The following GNG7 variants were observed in gnomAD, a reference collection of about 807,000 sequenced individuals.
The protein encoded by GNG7 is guanine nucleotide-binding protein G(I)/G(S)/G(O) subunit gamma-7.
GNG7 carries 1 observed loss-of-function variant against 4.0 expected under a neutral mutation model. That is an observed-to-expected ratio of 0.25 (90% CI 0.09 to 1.18). The LOEUF is 1.18. Ranked by LOEUF, GNG7 falls within the 50% of genes most tolerant of loss-of-function variation. The probability of loss-of-function intolerance (pLI) is 0.50; values close to 1 mark genes in which losing one functional copy is unlikely to be tolerated. For synonymous variants in GNG7, 34 were observed against 36.9 expected (o/e 0.92, Z 0.29); for missense variants, 86 against 91.9 (o/e 0.94, Z 0.26).
chr19:2,601,660 C>G (rs189734687), intron 2 of GNG7, among the ~76,000 whole-genome samples: 1 of 152,164 alleles, frequency 6.6e-6, no homozygotes, highest in Non-Finnish European at 1.5e-5. Context: ...CGTCTGTAAT[C>G]CCAAGCACGT....
At chr19:2,553,814 A>ACATACATGTACATATTATATGTAATATTG (rs1568241292) in intron 3 of GNG7, among the ~76,000 whole-genome samples, 4 of 110,576 alleles carry the variant, frequency 3.6e-5, no homozygotes, top group African/African-American at 1.3e-4. Flanking sequence ...GTAATATATC[A>ACATACATGTACATATTATATGTAATATTG]CATACATGTA....
In GNG7 at chr19:2,557,101, TCA is replaced by T. The variant is rs535942133; in HGVS notation, c.-77-1915_-77-1914del. Among the ~76,000 whole-genome samples the T allele has an allele frequency of 2.1e-3, 292 of 136,608 alleles. 3 individuals carry two copies. The highest frequency in any genetic ancestry group is 8.0e-3 in the African/African-American group (282 of 35,444). The allele number at this position is 136,608 out of a possible 152,430, so 89.6% of individuals were successfully genotyped here. On this transcript the variant is annotated intron_variant, in intron 2 of 4. Transcript: ENST00000382159. This position sits in a 1 kb window ranked among gnomAD's most constrained non-coding sequence, Gnocchi z 5.1. ...CGCACACACGTGCACACAGGAATAC[TCA>T]GACACACGCACACACGTACACACGT... is the stretch of plus-strand genomic sequence containing the variant.
At chr19:2,628,982 G>C (rs1462520783) in intron 2 of GNG7, among the ~76,000 whole-genome samples, 1 of 152,220 alleles carries the variant, frequency 6.6e-6, no homozygotes, top group Non-Finnish European at 1.5e-5. Flanking sequence ...GCACCAGGCG[G>C]TGGGGGTCTT....
chr19:2,589,875 G>T (rs1194641176), intron 2 of GNG7, among the ~76,000 whole-genome samples: 3 of 152,134 alleles, frequency 2.0e-5, no homozygotes, highest in Admixed American at 6.6e-5. Flanking sequence ...ACAGTGACAT[G>T]ATCTCAGCTC....
intron 2 of GNG7, among the ~76,000 whole-genome samples, chr19:2,619,261 G>C (rs1981803503): frequency 1.3e-5 from 2 of 152,242 alleles, no homozygotes; most frequent in South Asian, 4.1e-4. Flanking sequence ...ACCACATCTA[G>C]CTGACTGTGT....
At position 2,546,823 on chromosome 19, in the gene GNG7, G is replaced by A. The variant is rs1979144097; in HGVS notation, c.-38+8326C>T. ...GTCGGCGGGGGCGGGGGATGACCAC[G>A]GTCATGTGAGAGTTTGCAAGCCCGG... On this transcript the variant is annotated intron_variant, in intron 3 of 4. Transcript: ENST00000382159. The surrounding 1 kb of genome is among the most constrained non-coding windows in gnomAD (Gnocchi z 6.3). 6.6e-6 allele frequency among the ~76,000 whole-genome samples: 1 copy of A among 152,162 alleles called. No individual in the cohort carries two copies. The highest frequency in any genetic ancestry group is 2.1e-4 in the South Asian group (1 of 4,834).
intron 3 of GNG7, among the ~76,000 whole-genome samples, chr19:2,540,839 G>A (rs1306148810): frequency 1.3e-5 from 2 of 152,224 alleles, no homozygotes; most frequent in Admixed American, 6.5e-5. Flanking sequence ...CCGTGACAGC[G>A]AGACCCAGAG....
intron 4 of GNG7, among the ~76,000 whole-genome samples, chr19:2,517,608 G>A (rs71339112): frequency 0.17 from 25,963 of 151,922 alleles, 2,368 homozygotes; most frequent in African/African-American, 0.22. Context: ...CAGGTGGCCC[G>A]CCCACCTCAG....
intron 1 of GNG7, among the ~76,000 whole-genome samples, chr19:2,664,871 C>T (rs1277696740): frequency 3.9e-5 from 6 of 152,150 alleles, no homozygotes; most frequent in East Asian, 1.9e-4. Flanking sequence ...CTCCACGCCA[C>T]GACCATCCTC....
chr19:2,607,726 C>T (rs940609402), intron 2 of GNG7, among the ~76,000 whole-genome samples: 4 of 152,244 alleles, frequency 2.6e-5, no homozygotes, highest in Non-Finnish European at 4.4e-5. Context: ...GCACTTGAAC[C>T]CCGTGCCCTC....
intron 2 of GNG7, among the ~76,000 whole-genome samples, chr19:2,597,119 T>C (rs1981045892): frequency 6.6e-6 from 1 of 151,940 alleles, no homozygotes; most frequent in Non-Finnish European, 1.5e-5. Context: ...TTAAAAATTA[T>C]CCAGGCATGG....
At chr19:2,571,536 G>A (rs183739442) in intron 2 of GNG7, among the ~76,000 whole-genome samples, 83 of 147,702 alleles carry the variant, frequency 5.6e-4, no homozygotes, top group African/African-American at 1.5e-3. Flanking sequence ...TGCAGGCTAC[G>A]TTAAGTGAAA....
At chr19:2,683,769 A>T (rs1049085825) in intron 1 of GNG7, 1 of 152,558 alleles carries the variant, frequency 6.6e-6, no homozygotes, top group Admixed American at 6.5e-5. Flanking sequence ...CTGAGCTGTG[A>T]AAAACCTGCC....
intron 1 of GNG7, among the ~76,000 whole-genome samples, chr19:2,649,881 GGCCCCCAC>G (rs1168059114): frequency 1.5e-5 from 2 of 129,248 alleles, no homozygotes; most frequent in African/African-American, 5.7e-5. Flanking sequence ...CCCCAGCCCC[GGCCCCCAC>G]GCACACCCTC....
intron 4 of GNG7, among the ~76,000 whole-genome samples, chr19:2,516,723 C>G (rs755806241): frequency 2.6e-5 from 4 of 152,312 alleles, no homozygotes; most frequent in Middle Eastern, 3.4e-3. Flanking sequence ...CGGTGACACC[C>G]GGCCAGGGGG....
intron 1 of GNG7, among the ~76,000 whole-genome samples, chr19:2,659,412 A>G (rs1232485692): frequency 6.6e-6 from 1 of 150,648 alleles, no homozygotes; most frequent in African/African-American, 2.4e-5. Context: ...CAACATGGCA[A>G]AACTCCATCT....
In GNG7 at chr19:2,557,045, A is replaced by G. The variant is rs866557316; in HGVS notation, c.-77-1857T>C. 2.7e-5 allele frequency among the ~76,000 whole-genome samples: 4 copies of G among 149,978 alleles called. No individual in the cohort carries two copies. Among genetic ancestry groups the G allele is most frequent in the Non-Finnish European group, 5.9e-5 (4 of 67,262 alleles). ...CACACGCACACACAGACACACGCAC[A>G]CTCACACACATATGCACGCACACAG... On this transcript the variant is annotated intron_variant, in intron 2 of 4. Transcript: ENST00000382159. The surrounding 1 kb of genome is among the most constrained non-coding windows in gnomAD (Gnocchi z 5.1).
Position 2,511,991 on chromosome 19 carries a change from G to T in GNG7, c.*3031C>A. 1.0e-6 allele frequency: 1 copy of T among 985,920 alleles called. No individual in the cohort carries two copies. Among genetic ancestry groups the T allele is most frequent in the Middle Eastern group, 5.2e-4 (1 of 1,914 alleles). 61.1% of individuals were successfully genotyped at this position (985,920 alleles called of 1,614,324 possible). On this transcript the variant is annotated 3_prime_UTR_variant, in exon 5 of 5. Coordinates refer to ENST00000382159, the MANE Select transcript of GNG7 (RefSeq NM_052847.3). The surrounding 1 kb of genome is among the most constrained non-coding windows in gnomAD (Gnocchi z 6.3). ...GCTGTGGCCCTTCACCTGGCTACTGGTGTCTCGCTCAGCAGCGGGGAAGGC... is the reference window on the plus strand; with the variant it reads ...GCTGTGGCCCTTCACCTGGCTACTGTTGTCTCGCTCAGCAGCGGGGAAGGC...
intron 1 of GNG7, among the ~76,000 whole-genome samples, chr19:2,655,441 G>C (rs974515786): frequency 6.6e-6 from 1 of 152,010 alleles, no homozygotes; most frequent in Non-Finnish European, 1.5e-5. Flanking sequence ...GGCCGGGTGC[G>C]GTGGCTCATA....
Sources: allele counts gnomAD v4.1 joint callset (sites outside exome capture counted in the v4.1 genomes callset), GRCh38; gene constraint gnomAD v4.1.1; non-coding constraint Gnocchi (gnomAD v3.1); transcripts MANE v1.5; gene names NCBI Gene and HGNC (gene_info 2026-07-23, HGNC 2026-07-21).